Variants in KLHL32 observed in about 807,000 individuals in gnomAD.
KLHL32 encodes the protein kelch like family member 32.
A neutral mutation model predicts 64.8 loss-of-function variants in KLHL32; 35 were observed. The ratio of observed to expected loss-of-function variants is 0.54; its 90% CI spans 0.41 to 0.72. The LOEUF (loss-of-function observed/expected upper bound fraction) is 0.72, where lower values mean the gene tolerates loss of function less well. Ranked by LOEUF, KLHL32 falls within the 30% of genes least tolerant of loss-of-function variation. KLHL32 has a pLI of 0.00. For missense variants in KLHL32, 589 were observed against 768.5 expected (o/e 0.77, Z 2.76); for synonymous variants, 259 against 281.0 (o/e 0.92, Z 0.78).
rs192527405 is a variant in KLHL32 at position 97,026,236 on chromosome 6, G to A, written c.205-15256G>A. On this transcript the variant is annotated intron_variant, in intron 3 of 10. Coordinates refer to ENST00000369261, the MANE Select transcript of KLHL32 (RefSeq NM_052904.4). ...GTAGAGACTTTGTGTTAGCCTGCATGGACAAAGCATCAAATGTGTTTGCAG... is the reference window on the plus strand; with the variant it reads ...GTAGAGACTTTGTGTTAGCCTGCATAGACAAAGCATCAAATGTGTTTGCAG... 3.0e-3 allele frequency among the ~76,000 whole-genome samples: 453 copies of A among 152,118 alleles called. 3 individuals are homozygous for A. Among genetic ancestry groups the A allele is most frequent in the Middle Eastern group, 0.01 (3 of 294 alleles).
intron 4 of KLHL32, among the ~76,000 whole-genome samples, chr6:97,042,012 C>T (rs909182632): frequency 6.6e-6 from 1 of 152,128 alleles, no homozygotes; most frequent in African/African-American, 2.4e-5. Flanking sequence ...CCATGTCCTC[C>T]ACATATCTCA....
intron 1 of KLHL32, among the ~76,000 whole-genome samples, chr6:96,930,089 C>T (rs2127989486): frequency 6.6e-6 from 1 of 152,154 alleles, no homozygotes; most frequent in South Asian, 2.1e-4. Flanking sequence ...CCAGATGATA[C>T]AACCCGTTTG....
At chr6:96,918,045 A>AT in the KLHL32 span, among the ~76,000 whole-genome samples, 2 of 152,224 alleles carry the variant, frequency 1.3e-5, no homozygotes, top group African/African-American at 2.4e-5. Flanking sequence ...GACTTCAGAC[A>AT]TTATGTCCCC....
intron 4 of KLHL32, among the ~76,000 whole-genome samples, chr6:97,059,432 G>T (rs1312194701): frequency 6.6e-6 from 1 of 152,176 alleles, no homozygotes; most frequent in African/African-American, 2.4e-5. Flanking sequence ...GAGAACTACT[G>T]AATTCTAGCC....
At chr6:97,052,363 T>C (rs1349075873) in intron 4 of KLHL32, among the ~76,000 whole-genome samples, 2 of 152,230 alleles carry the variant, frequency 1.3e-5, no homozygotes, top group African/African-American at 4.8e-5. Context: ...TGAACAACTC[T>C]TGGTATTATA....
chr6:97,054,272 T>C (rs961962190), intron 4 of KLHL32, among the ~76,000 whole-genome samples: 4 of 152,240 alleles, frequency 2.6e-5, no homozygotes, highest in Non-Finnish European at 5.9e-5. Context: ...TACTCTAAGT[T>C]AACTTGTGAA....
chr6:96,931,208 T>C lies in KLHL32; in HGVS notation c.-66+6182T>C, dbSNP rs186964976. Among the ~76,000 whole-genome samples, 1,413 of 152,172 alleles carry C rather than the reference T, an allele frequency of 9.3e-3. 11 individuals are homozygous for C. Among genetic ancestry groups the C allele is most frequent in the Non-Finnish European group, 0.016 (1,092 of 68,032 alleles). ...GAATACTTTCTAGTTAAATCTATGT[T>C]TTTTTCTTTTTCTCTGCACCACGAC... On this transcript the variant is annotated intron_variant, in intron 1 of 10. Transcript: ENST00000369261.
intron 6 of KLHL32, among the ~76,000 whole-genome samples, chr6:97,102,614 G>A (rs763669165): frequency 6.6e-6 from 1 of 152,020 alleles, no homozygotes; most frequent in Non-Finnish European, 1.5e-5. Flanking sequence ...GATGAATATT[G>A]TCTTTTGGCT....
At position 97,137,410 on chromosome 6, in the gene KLHL32, T is replaced by G. The variant is rs199991035; in HGVS notation, c.1702-1711T>G. Among the ~76,000 whole-genome samples the G allele has an allele frequency of 3.3e-5, 5 of 152,338 alleles. No homozygotes were observed. The East Asian group carries it at 7.7e-4, about 23-fold the overall frequency. The stretch of plus-strand genomic sequence containing the variant: ...ATTGTTCAATAAAGAGATTGGGACA[T>G]CTAATCTCCACTTGTTTGTTCTTTC... On this transcript the variant is annotated intron_variant, in intron 10 of 10. Coordinates refer to ENST00000369261, the MANE Select transcript of KLHL32 (RefSeq NM_052904.4).
At chr6:97,035,816 T>A (rs1784212209) in intron 3 of KLHL32, among the ~76,000 whole-genome samples, 1 of 151,984 alleles carries the variant, frequency 6.6e-6, no homozygotes, top group Admixed American at 6.6e-5. Context: ...GCAGATCTCT[T>A]TGTATTCAAC....
At chr6:97,104,460 T>G (rs1796138909) in intron 6 of KLHL32, among the ~76,000 whole-genome samples, 1 of 152,238 alleles carries the variant, frequency 6.6e-6, no homozygotes, top group Non-Finnish European at 1.5e-5. Flanking sequence ...TTTACCAATC[T>G]TTCAATTTCC....
At chr6:97,044,789 T>A (rs1785668672) in intron 4 of KLHL32, among the ~76,000 whole-genome samples, 1 of 152,070 alleles carries the variant, frequency 6.6e-6, no homozygotes, top group African/African-American at 2.4e-5. Context: ...ATTATCCAAT[T>A]TTTTGGTGTA....
At chr6:97,038,957 G>T (rs1408377961) in intron 3 of KLHL32, among the ~76,000 whole-genome samples, 1 of 151,700 alleles carries the variant, frequency 6.6e-6, no homozygotes, top group Non-Finnish European at 1.5e-5. Context: ...GGGTATGGTG[G>T]CACGTGCCTG....
the KLHL32 span, among the ~76,000 whole-genome samples, chr6:96,899,139 T>C: frequency 1.3e-5 from 2 of 152,216 alleles, no homozygotes; most frequent in African/African-American, 4.8e-5. Flanking sequence ...CTAATTTAAA[T>C]GCCCTTTATT....
intron 1 of KLHL32, among the ~76,000 whole-genome samples, chr6:96,955,556 C>G (rs950880705): frequency 6.6e-6 from 1 of 152,082 alleles, no homozygotes; most frequent in Non-Finnish European, 1.5e-5. Flanking sequence ...GAGTTGCATT[C>G]AGTGCAAACA....
intron 1 of KLHL32, among the ~76,000 whole-genome samples, chr6:96,933,259 C>T (rs1344968637): frequency 6.6e-6 from 1 of 152,160 alleles, no homozygotes; most frequent in Non-Finnish European, 1.5e-5. Flanking sequence ...CTGAATTTTT[C>T]CTTTTGGGCA....
chr6:97,060,553 C>A (rs1447659146), intron 4 of KLHL32, among the ~76,000 whole-genome samples: 1 of 152,192 alleles, frequency 6.6e-6, no homozygotes, highest in African/African-American at 2.4e-5. Context: ...AGGTCCCATT[C>A]TCCTCCTCTT....
intron 1 of KLHL32, among the ~76,000 whole-genome samples, chr6:96,941,083 C>T (rs1771222635): frequency 6.6e-6 from 1 of 152,116 alleles, no homozygotes; most frequent in African/African-American, 2.4e-5. Context: ...CCTTTCTTAG[C>T]CATTATTTCT....
intron 1 of KLHL32, among the ~76,000 whole-genome samples, chr6:96,931,286 A>G (rs1314554715): frequency 1.3e-5 from 2 of 152,074 alleles, no homozygotes; most frequent in African/African-American, 4.8e-5. Flanking sequence ...TTGAAATATC[A>G]TGTGGATTTC....
Sources: gnomAD v4.1 joint callset for allele counts (sites outside exome capture counted in the v4.1 genomes callset) on GRCh38, gnomAD v4.1.1 for gene constraint, MANE v1.5 for transcripts, NCBI Gene and HGNC (gene_info 2026-07-23, HGNC 2026-07-21) for gene names.